Variants in PDE4D observed in about 807,000 individuals in gnomAD.
PDE4D encodes the protein phosphodiesterase 4D.
A neutral mutation model predicts 87.4 loss-of-function variants in PDE4D; 24 were observed. The ratio of observed to expected loss-of-function variants is 0.27; its 90% CI spans 0.20 to 0.39. The LOEUF is 0.39. PDE4D is among the 10% of genes least tolerant of loss of function. The pLI, the probability that PDE4D is intolerant of heterozygous loss-of-function variation, is 1.00. For synonymous variants in PDE4D, 384 were observed against 383.2 expected, an observed-to-expected ratio of 1.00 and a Z score of -0.02; for missense variants, 714 against 1,041.0, an observed-to-expected ratio of 0.69 and a Z score of 4.32.
At chr5:60,020,074 T>A (rs964447188) in intron 2 of PDE4D, among the ~76,000 whole-genome samples, 1 of 152,140 alleles carries the variant, frequency 6.6e-6, no homozygotes, top group Non-Finnish European at 1.5e-5. Flanking sequence ...TTAACTGGCC[T>A]AATTTTAATA....
At chr5:59,066,267 A>G (rs1434009234) in intron 5 of PDE4D, among the ~76,000 whole-genome samples, 2 of 152,150 alleles carry the variant, frequency 1.3e-5, no homozygotes, top group East Asian at 3.9e-4. Flanking sequence ...CACATGCAGG[A>G]ACACAGAGAG....
chr5:60,453,381 C>T (rs1016400090), intron 1 of PDE4D, among the ~76,000 whole-genome samples: 1 of 152,084 alleles, frequency 6.6e-6, no homozygotes, highest in African/African-American at 2.4e-5. Context: ...AATTCGATTT[C>T]AACACACATG....
At chr5:60,300,873 C>A (rs186620453) in intron 1 of PDE4D, among the ~76,000 whole-genome samples, 11 of 152,152 alleles carry the variant, frequency 7.2e-5, no homozygotes, top group Admixed American at 1.3e-4. Context: ...CAGGTTCAAG[C>A]AATTCTTCTG....
Position 59,073,591 on chromosome 5 carries a change from T to TA in PDE4D, c.809-34621dup, listed in dbSNP as rs562209786. ...AATGTATTTATAATGCACCAACTTGTAAAGACACTGTTGTTCCCTACCCAG... is the reference window on the plus strand; with the variant it reads ...AATGTATTTATAATGCACCAACTTGTAAAAGACACTGTTGTTCCCTACCCAG... On this transcript the variant is annotated intron_variant, in intron 5 of 14. Coordinates refer to ENST00000340635, the MANE Select transcript of PDE4D (RefSeq NM_001104631.2). Among the ~76,000 whole-genome samples, 30 of 151,846 alleles carry TA rather than the reference T, an allele frequency of 2.0e-4. No homozygotes were observed. The South Asian group carries it at 5.0e-3, about 25-fold the overall frequency.
At chr5:59,337,268 C>T (rs2153579930) in intron 1 of PDE4D, among the ~76,000 whole-genome samples, 1 of 150,102 alleles carries the variant, frequency 6.7e-6, no homozygotes, top group East Asian at 2.0e-4. Context: ...TTTCATGGTT[C>T]TTAAAAAACT....
chr5:59,540,986 G>A (rs1407975402), intron 1 of PDE4D, among the ~76,000 whole-genome samples: 2 of 152,198 alleles, frequency 1.3e-5, no homozygotes, highest in Non-Finnish European at 2.9e-5. Flanking sequence ...AAGACCTTAG[G>A]AAGGTCTAAT....
intron 1 of PDE4D, among the ~76,000 whole-genome samples, chr5:59,378,818 C>A (rs1785205905): frequency 6.6e-6 from 1 of 152,150 alleles, no homozygotes; most frequent in Admixed American, 6.5e-5. Context: ...TTAAGGAATT[C>A]TTTGCTCAGG....
At chr5:60,269,745 A>T (rs1474949317) in intron 1 of PDE4D, among the ~76,000 whole-genome samples, 1 of 152,240 alleles carries the variant, frequency 6.6e-6, no homozygotes, top group East Asian at 1.9e-4. Context: ...AAGATGATGA[A>T]TATATTGATT....
intron 1 of PDE4D, among the ~76,000 whole-genome samples, chr5:60,224,399 A>G (rs2149605213): frequency 6.6e-6 from 1 of 152,218 alleles, no homozygotes; most frequent in Non-Finnish European, 1.5e-5. Flanking sequence ...TATAATGTTC[A>G]TGCCCCACGG....
chr5:59,521,110 TAA>T (rs11347219), intron 1 of PDE4D, among the ~76,000 whole-genome samples: 28,550 of 142,562 alleles, frequency 0.2, 3,210 homozygotes, highest in Non-Finnish European at 0.27. Flanking sequence ...AGGAGATCAC[TAA>T]AAAAAAAAAA....
At chr5:60,493,400 C>G (rs891718406) in intron 1 of PDE4D, among the ~76,000 whole-genome samples, 1 of 152,182 alleles carries the variant, frequency 6.6e-6, no homozygotes, top group Non-Finnish European at 1.5e-5. Flanking sequence ...GAATTCTCAG[C>G]TTAAATATGA....
chr5:59,844,961 G>A (rs572050644), intron 1 of PDE4D, among the ~76,000 whole-genome samples: 1 of 152,084 alleles, frequency 6.6e-6, no homozygotes. Context: ...GCCACGTTGT[G>A]AGAGGATCTG....
chr5:59,409,577 C>A (rs1290839978), intron 1 of PDE4D, among the ~76,000 whole-genome samples: 1 of 152,100 alleles, frequency 6.6e-6, no homozygotes, highest in East Asian at 1.9e-4. Flanking sequence ...CTAACTCCCA[C>A]AACCCCCTTA....
chr5:60,182,881 GAAAA>G (rs558346227), intron 2 of PDE4D, among the ~76,000 whole-genome samples: 2 of 114,730 alleles, frequency 1.7e-5, no homozygotes, highest in Admixed American at 9.0e-5. Flanking sequence ...CTCCGTCTCA[GAAAA>G]AAAAAAAAAA....
At chr5:59,450,864 C>A (rs146459966) in intron 1 of PDE4D, among the ~76,000 whole-genome samples, 1 of 152,150 alleles carries the variant, frequency 6.6e-6, no homozygotes, top group African/African-American at 2.4e-5. Flanking sequence ...CAGCTTCATC[C>A]ATTTTTCCCT....
At chr5:59,447,890 A>G (rs1798579916) in intron 1 of PDE4D, among the ~76,000 whole-genome samples, 1 of 152,156 alleles carries the variant, frequency 6.6e-6, no homozygotes, top group East Asian at 1.9e-4. Context: ...CCATCTCCCA[A>G]TTTCTTCTGC....
chr5:60,047,877 A>G (rs1303943270), intron 2 of PDE4D, among the ~76,000 whole-genome samples: 1 of 152,116 alleles, frequency 6.6e-6, no homozygotes, highest in East Asian at 1.9e-4. Flanking sequence ...GATGTCTATT[A>G]GGTCTGCTTG....
intron 2 of PDE4D, among the ~76,000 whole-genome samples, chr5:60,016,338 CTT>C: frequency 6.6e-6 from 1 of 152,240 alleles, no homozygotes; most frequent in South Asian, 2.1e-4. Flanking sequence ...AACTTGTACT[CTT>C]TTTGCTGACA....
At chr5:59,651,920 CTG>C (rs1208358960) in intron 1 of PDE4D, among the ~76,000 whole-genome samples, 1 of 152,160 alleles carries the variant, frequency 6.6e-6, no homozygotes, top group Non-Finnish European at 1.5e-5. Context: ...TGTCAGCCCT[CTG>C]TAAATTGCCT....
Sources: gnomAD v4.1 joint callset for allele counts (sites outside exome capture counted in the v4.1 genomes callset) on GRCh38, gnomAD v4.1.1 for gene constraint, MANE v1.5 for transcripts, NCBI Gene and HGNC (gene_info 2026-07-23, HGNC 2026-07-21) for gene names.